The following CNTNAP2 variants were observed in gnomAD, a reference collection of about 807,000 sequenced individuals.
CNTNAP2 encodes the protein contactin associated protein 2, also known as contactin-associated protein-like 2.
Under a neutral mutation model 155.2 loss-of-function variants are expected in CNTNAP2, and 98 were observed. The ratio of observed to expected loss-of-function variants is 0.63; its 90% confidence interval spans 0.54 to 0.75. CNTNAP2 has a LOEUF of 0.75. CNTNAP2 is among the 30% of genes least tolerant of loss of function. CNTNAP2 has a pLI of 0.00. For synonymous variants in CNTNAP2, 651 were observed against 631.2 expected (o/e 1.03, Z -0.47); for missense variants, 1,727 against 1,688.1 (o/e 1.02, Z -0.40).
At chr7:146,616,128 C>G (rs951288574) in intron 1 of CNTNAP2, among the ~76,000 whole-genome samples, 16 of 151,614 alleles carry the variant, frequency 1.1e-4, no homozygotes, top group African/African-American at 3.9e-4. Context: ...AGCACAAAGT[C>G]TATAAAAATA....
intron 2 of CNTNAP2, among the ~76,000 whole-genome samples, chr7:146,835,687 G>C (rs868242676): frequency 6.6e-6 from 1 of 152,120 alleles, no homozygotes; most frequent in African/African-American, 2.4e-5. Flanking sequence ...GGTCCCAAGA[G>C]GTACTGCAGA....
chr7:148,102,007 A>G (rs977955440), intron 15 of CNTNAP2, among the ~76,000 whole-genome samples: 1 of 152,218 alleles, frequency 6.6e-6, no homozygotes, highest in African/African-American at 2.4e-5. Flanking sequence ...GTTCAGGGGT[A>G]CAGGTGCAGG....
chr7:146,601,258 T>C (rs979959637), intron 1 of CNTNAP2, among the ~76,000 whole-genome samples: 21 of 152,150 alleles, frequency 1.4e-4, no homozygotes, highest in African/African-American at 4.8e-4. Context: ...GAGAAATTGC[T>C]ATCTCATGTG....
At chr7:147,193,878 A>T (rs1802729366) in intron 8 of CNTNAP2, among the ~76,000 whole-genome samples, 1 of 152,118 alleles carries the variant, frequency 6.6e-6, no homozygotes, top group African/African-American at 2.4e-5. Context: ...AGAGTTAGAA[A>T]TCTCATAATG....
intron 1 of CNTNAP2, among the ~76,000 whole-genome samples, chr7:146,770,293 A>ATT (rs1351526077): frequency 3.4e-5 from 5 of 147,472 alleles, no homozygotes; most frequent in African/African-American, 1.0e-4. Context: ...GCGAAATGGA[A>ATT]TTATATATAT....
chr7:147,285,142 T>G (rs2116733926), intron 8 of CNTNAP2, among the ~76,000 whole-genome samples: 1 of 151,792 alleles, frequency 6.6e-6, no homozygotes, highest in Admixed American at 6.6e-5. Context: ...ATAAAGCAAT[T>G]TAAGAATAAT....
At chr7:148,174,803 C>T (rs1343022608) in intron 18 of CNTNAP2, among the ~76,000 whole-genome samples, 1 of 152,116 alleles carries the variant, frequency 6.6e-6, no homozygotes, top group Non-Finnish European at 1.5e-5. Flanking sequence ...AGGTTTGTTA[C>T]ATAAGCATAC....
At chr7:146,798,882 G>A (rs1802818389) in intron 2 of CNTNAP2, among the ~76,000 whole-genome samples, 1 of 151,980 alleles carries the variant, frequency 6.6e-6, no homozygotes, top group South Asian at 2.1e-4. Context: ...CCTCCAACCT[G>A]TTCTAGCCAT....
chr7:147,880,552 G>A (rs1409160657), intron 13 of CNTNAP2, among the ~76,000 whole-genome samples: 2 of 151,800 alleles, frequency 1.3e-5, no homozygotes, highest in Admixed American at 6.6e-5. Flanking sequence ...CAGAAGAAGA[G>A]GGAGCATAGA....
At chr7:146,995,320 A>G (rs1401633118) in intron 3 of CNTNAP2, among the ~76,000 whole-genome samples, 1 of 152,140 alleles carries the variant, frequency 6.6e-6, no homozygotes, top group Non-Finnish European at 1.5e-5. Flanking sequence ...CCTCTTCAAC[A>G]TAATGACTTT....
chr7:147,739,413 G>A (rs1335256884), intron 13 of CNTNAP2, among the ~76,000 whole-genome samples: 1 of 151,800 alleles, frequency 6.6e-6, no homozygotes, highest in African/African-American at 2.4e-5. Context: ...CCTCATCAAA[G>A]TCTAAGTAGA....
At chr7:146,682,133 TC>T (rs1354711521) in intron 1 of CNTNAP2, among the ~76,000 whole-genome samples, 1 of 152,124 alleles carries the variant, frequency 6.6e-6, no homozygotes, top group East Asian at 1.9e-4. Context: ...AAATTTCACA[TC>T]TATCATTCAT....
At chr7:146,676,484 C>T (rs66533253) in intron 1 of CNTNAP2, among the ~76,000 whole-genome samples, 22,599 of 150,946 alleles carry the variant, frequency 0.15, 4,142 homozygotes, top group African/African-American at 0.44. Context: ...TTTTAGATAC[C>T]GGGAGTATAT....
chr7:146,783,878 G>A (rs2129187627), intron 2 of CNTNAP2, among the ~76,000 whole-genome samples: 1 of 152,248 alleles, frequency 6.6e-6, no homozygotes, highest in South Asian at 2.1e-4. Flanking sequence ...TTTAAGGCCA[G>A]CAGAATACAT....
intron 13 of CNTNAP2, among the ~76,000 whole-genome samples, chr7:147,671,319 T>C (rs938947864): frequency 1.3e-5 from 2 of 152,186 alleles, no homozygotes; most frequent in Non-Finnish European, 2.9e-5. Context: ...CTTTGTAAAG[T>C]GCACTGACAA....
rs924015957 is a variant in CNTNAP2, at chr7:147,052,245, A to C, written c.550+8191A>C. On this transcript the variant is annotated intron_variant, in intron 4 of 23. Transcript: ENST00000361727. ...ATAAATATTTCCAATGGAATATTTA[A>C]CAAAATAATTCAAAATAAAGTCAAC... 3.2e-4 allele frequency among the ~76,000 whole-genome samples: 48 copies of C among 152,160 alleles called. 1 individual carries two copies. The highest frequency in any genetic ancestry group is 1.2e-4 in the Non-Finnish European group (8 of 67,992).
chr7:147,489,076 C>T (rs1163147888), intron 11 of CNTNAP2, among the ~76,000 whole-genome samples: 2 of 152,216 alleles, frequency 1.3e-5, no homozygotes, highest in African/African-American at 2.4e-5. Flanking sequence ...TGTTTGCTAT[C>T]ACTTTTATGG....
intron 15 of CNTNAP2, among the ~76,000 whole-genome samples, chr7:148,078,832 A>G (rs769266141): frequency 1.3e-5 from 2 of 152,262 alleles, no homozygotes; most frequent in African/African-American, 2.4e-5. Context: ...AGAAAAAATT[A>G]CATATTTTTA....
chr7:146,759,232 C>A (rs572947604), intron 1 of CNTNAP2, among the ~76,000 whole-genome samples: 8 of 152,140 alleles, frequency 5.3e-5, no homozygotes, highest in Non-Finnish European at 5.9e-5. Flanking sequence ...TAGATTACCC[C>A]CAGATGCCCA....
Sources: gnomAD v4.1 joint callset for allele counts (sites outside exome capture counted in the v4.1 genomes callset) on GRCh38, gnomAD v4.1.1 for gene constraint, MANE v1.5 for transcripts, NCBI Gene and HGNC (gene_info 2026-07-23, HGNC 2026-07-21) for gene names.